Variants in C15orf40 observed in about 807,000 individuals in gnomAD.
C15orf40 encodes the protein chromosome 15 open reading frame 40.
C15orf40 carries 9 observed loss-of-function variants against 13.9 expected under a neutral mutation model. The observed-to-expected ratio is 0.65, with a 90% CI of 0.39 to 1.13. The LOEUF is 1.13. Ranked by LOEUF, C15orf40 falls within the 50% of genes most tolerant of loss-of-function variation. The pLI is 0.01. For missense variants in C15orf40, 225 were observed against 188.5 expected, an observed-to-expected ratio of 1.19 and a Z score of -1.13; for synonymous variants, 95 against 69.2, an observed-to-expected ratio of 1.37 and a Z score of -1.85.
downstream of C15orf40, chr15:82,990,019 A>G (rs955418748): frequency 3.2e-6 from 5 of 1,571,326 alleles, no homozygotes; most frequent in African/African-American, 4.3e-5. Flanking sequence ...ATCCCCAGCA[A>G]TATGGACATT....
At position 83,011,535 on chromosome 15, in the gene C15orf40, A is replaced by G. The variant is rs4842860; in HGVS notation, c.73T>C (p.Cys25Arg). 0.62 allele frequency: 989,687 copies of G among 1,605,004 alleles called. 309,317 individuals are homozygous for G. The highest frequency in any genetic ancestry group is 0.71 in the Admixed American group (42,589 of 59,654). The change falls in exon 1 of 4, where the codon TGC (cysteine) becomes CGC (arginine). Residue 25 changes from cysteine (C) to arginine (R), a missense_variant. Coordinates refer to ENST00000304177, the MANE Select transcript of C15orf40 (RefSeq NM_144597.3). The part of the protein sequence containing the change: ...PNTRGSARLL[C>R]AEMPKKAGAT... ...CCAGCCTTCTTAGGCATCTCGGCGC[A>G]AAGAAGCCGAGCGGAGCCCCGAGTA...
chr15:83,001,053 T>A lies in C15orf40; in HGVS notation c.*4544A>T, dbSNP rs1057091883. 5.3e-6 allele frequency: 5 copies of A among 934,590 alleles called. No individual in the cohort carries two copies. In the South Asian group the frequency reaches 2.0e-4, roughly 37 times the overall value. 57.9% of individuals were successfully genotyped at this position (934,590 alleles called of 1,614,324 possible). The stretch of plus-strand genomic sequence containing the variant: ...GTCTTAAACTCCTGACTTCAAGTGA[T>A]CCACCCGCCTCAGCCTCCCAAAGTG... On this transcript the variant is annotated 3_prime_UTR_variant, in exon 4 of 4. Coordinates refer to ENST00000304177, the MANE Select transcript of C15orf40 (RefSeq NM_144597.3).
chr15:83,008,321 C>G, intron 3 of C15orf40: 1 of 447,728 alleles, frequency 2.2e-6, no homozygotes, highest in Non-Finnish European at 4.1e-6. Context: ...GAGTTCAAGA[C>G]CAGCCTGACC....
At chr15:82,990,779 C>A, downstream of C15orf40, 1 of 759,014 alleles carries the variant, frequency 1.3e-6, no homozygotes, top group South Asian at 1.7e-5. Flanking sequence ...GGTCAAAATT[C>A]ACACATAAGA....
At chr15:82,991,696 C>T (rs937273235), downstream of C15orf40, among the ~76,000 whole-genome samples, 1 of 151,620 alleles carries the variant, frequency 6.6e-6, no homozygotes, top group South Asian at 2.1e-4. Context: ...GCCATCCTCT[C>T]GGGTAACTGT....
chr15:83,011,444 C>G, intron 1 of C15orf40, 53 bp downstream of exon 1: 1 of 1,537,468 alleles, frequency 6.5e-7, no homozygotes, highest in Non-Finnish European at 8.8e-7. Context: ...CCGCGCTCTT[C>G]AACAAGTACC....
At chr15:82,991,880 G>A (rs926729886), downstream of C15orf40, 6 of 1,288,004 alleles carry the variant, frequency 4.7e-6, no homozygotes, top group South Asian at 6.2e-5. Flanking sequence ...GTAATGTCCT[G>A]ACTACACCCC....
downstream of C15orf40, among the ~76,000 whole-genome samples, chr15:82,992,667 C>T (rs2030911404): frequency 1.3e-5 from 2 of 152,154 alleles, no homozygotes; most frequent in South Asian, 2.1e-4. Context: ...CCAAGGCCAG[C>T]GCTGGAGGAG....
chr15:83,002,698 T>TA lies in C15orf40; in HGVS notation c.*2898dup, dbSNP rs1417544083. ...CCTTTTCTCCTACTGCAGGGGTTGATACGTGAATATGAAACCTGGTTGGCC... is the reference window on the plus strand; with the variant it reads ...CCTTTTCTCCTACTGCAGGGGTTGATAACGTGAATATGAAACCTGGTTGGCC... On this transcript the variant is annotated 3_prime_UTR_variant, in exon 4 of 4. Coordinates refer to ENST00000304177, the MANE Select transcript of C15orf40 (RefSeq NM_144597.3). 6.6e-6 allele frequency: 1 copy of TA among 152,232 alleles called. No individual in the cohort carries two copies. The highest frequency in any genetic ancestry group is 1.5e-5 in the Non-Finnish European group (1 of 68,054). The allele number at this position is 152,232 out of a possible 1,614,324, so 9.4% of individuals were successfully genotyped here. A position where few individuals can be genotyped will look rare whatever the true frequency, so the allele number is the denominator to read the frequency against.
At position 83,004,798 on chromosome 15, in the gene C15orf40, A is replaced by G; in HGVS notation, c.*799T>C. 2.5e-6 allele frequency: 3 copies of G among 1,179,388 alleles called. No individual in the cohort carries two copies. Among genetic ancestry groups the G allele is most frequent in the Non-Finnish European group, 3.3e-6 (3 of 920,506 alleles). The allele number at this position is 1,179,388 out of a possible 1,614,324, so 73.1% of individuals were successfully genotyped here. On this transcript the variant is annotated 3_prime_UTR_variant, in exon 4 of 4. Transcript: ENST00000304177. The stretch of plus-strand genomic sequence containing the variant: ...AGGTAAGACTACAAAGCAGCATAAC[A>G]GGTTTTCTGTCACTTGTAAACTGGA...
At chr15:83,007,239 G>C (rs1423597699) in intron 3 of C15orf40, among the ~76,000 whole-genome samples, 5 of 152,296 alleles carry the variant, frequency 3.3e-5, no homozygotes, top group South Asian at 4.1e-4. Flanking sequence ...TAGCAAGCAA[G>C]GACAAAGTAC....
downstream of C15orf40, among the ~76,000 whole-genome samples, chr15:82,993,111 G>A (rs1045517958): frequency 6.6e-5 from 10 of 152,264 alleles, no homozygotes; most frequent in South Asian, 4.2e-4. Context: ...ATATGTGACC[G>A]TGAGAAAATC....
At chr15:83,005,985 A>G (rs1258951138) in intron 3 of C15orf40, among the ~76,000 whole-genome samples, 1 of 152,172 alleles carries the variant, frequency 6.6e-6, no homozygotes, top group Non-Finnish European at 1.5e-5. Context: ...TAATCCCAGC[A>G]CTTTAGGAGG....
rs1463864191 is a variant in C15orf40, at chr15:83,005,465, G to A, written c.*132C>T. 9.7e-6 allele frequency: 8 copies of A among 821,836 alleles called. No homozygotes were observed. The Admixed American group carries it at 9.9e-5, about 10-fold the overall frequency. 50.9% of individuals were successfully genotyped at this position (821,836 alleles called of 1,614,324 possible). On this transcript the variant is annotated 3_prime_UTR_variant, in exon 4 of 4. Transcript: ENST00000304177. The stretch of plus-strand genomic sequence containing the variant: ...ACATCTGGCTAATTTTGTATTTTTC[G>A]TAGAGATGGGGTTTCACCATGTTGG...
chr15:83,003,018 GCCAGGGTGATCTTGAACT>G lies in C15orf40; in HGVS notation c.*2561_*2578del, dbSNP rs1340149390. ...GTAGAGACGGGGTTTCACCATGTTG[GCCAGGGTGATCTTGAACT>G]CCTGACCTCGTGATCTGCCTGCCTC... is the stretch of plus-strand genomic sequence containing the variant. On this transcript the variant is annotated 3_prime_UTR_variant, in exon 4 of 4. Coordinates refer to ENST00000304177, the MANE Select transcript of C15orf40 (RefSeq NM_144597.3). The G allele has an allele frequency of 6.6e-6, 1 of 152,020 alleles. No individual in the cohort carries two copies. The highest frequency in any genetic ancestry group is 1.9e-4 in the East Asian group (1 of 5,190). 9.4% of individuals were successfully genotyped at this position (152,020 alleles called of 1,614,324 possible). A position where few individuals can be genotyped will look rare whatever the true frequency, so the allele number is the denominator to read the frequency against.
At chr15:82,992,036 C>G, downstream of C15orf40, 1 of 623,202 alleles carries the variant, frequency 1.6e-6, no homozygotes, top group Non-Finnish European at 2.6e-6. Context: ...GGCAATGTAG[C>G]AAGATCCTGT....
At chr15:82,993,249 T>A (rs2030931493), downstream of C15orf40, among the ~76,000 whole-genome samples, 1 of 152,148 alleles carries the variant, frequency 6.6e-6, no homozygotes, top group South Asian at 2.1e-4. Context: ...GACCATTAAA[T>A]CCCTAGTAGG....
downstream of C15orf40, chr15:82,989,278 C>A: frequency 7.2e-7 from 1 of 1,390,860 alleles, no homozygotes; most frequent in East Asian, 2.4e-5. Context: ...GGGCAGGGAC[C>A]AGTGTTTTTG....
chr15:82,991,275 T>C (rs1173923518), downstream of C15orf40, among the ~76,000 whole-genome samples: 1 of 152,216 alleles, frequency 6.6e-6, no homozygotes, highest in South Asian at 2.1e-4. Context: ...CAGCCAGGCA[T>C]GGTGGCTCAT....
Sources: allele counts gnomAD v4.1 joint callset (sites outside exome capture counted in the v4.1 genomes callset), GRCh38; gene constraint gnomAD v4.1.1; transcripts MANE v1.5; gene names NCBI Gene and HGNC (gene_info 2026-07-23, HGNC 2026-07-21).